DLK2: variants seen among roughly 807,000 people sequenced by gnomAD.
DLK2 encodes delta like non-canonical Notch ligand 2, also known as protein delta homolog 2.
Under a neutral mutation model 31.3 loss-of-function variants are expected in DLK2, and 9 were observed. The ratio of observed to expected loss-of-function variants is 0.29; its 90% CI spans 0.17 to 0.50. The LOEUF (loss-of-function observed/expected upper bound fraction) is 0.50. DLK2 is among the 20% of genes least tolerant of loss of function. The pLI, the probability that DLK2 is intolerant of heterozygous loss-of-function variation, is 0.98. For synonymous variants in DLK2, 169 were observed against 201.2 expected (o/e 0.84, Z 1.35); for missense variants, 387 against 526.1 (o/e 0.74, Z 2.59).
chr6:43,455,646 C>G (rs1194828952), upstream of DLK2: 1 of 141,960 alleles, frequency 7.0e-6, no homozygotes, highest in Non-Finnish European at 1.6e-5. Flanking sequence ...CCATCCCCCC[C>G]CCCGCGACGC....
Position 43,454,817 on chromosome 6 carries a change from G to T in DLK2, c.9C>A (p.Ser3Arg). 1 of 1,550,850 alleles carries T rather than the reference G, an allele frequency of 6.4e-7. No homozygotes were observed. ...ACACGAGATGCAGGCAGCGGCAGCC[G>T]CTGGGCATGGTCAGCGCCGGCCCCA... MP[S>R]GCRCLHLVCL... Residue 3 changes from serine (S) to arginine (R), a missense_variant, in exon 2 of 6, where the codon AGC becomes AGA. Coordinates refer to ENST00000372488, the MANE Select transcript of DLK2 (RefSeq NM_023932.4).
chr6:43,452,817 C>G (rs1241109707), intron 4 of DLK2, among the ~76,000 whole-genome samples, 188 bp downstream of exon 4: 3 of 152,138 alleles, frequency 2.0e-5, no homozygotes, highest in African/African-American at 7.2e-5. Flanking sequence ...AGCTGTGTTT[C>G]CTGCCCCATG....
rs1244772928 is a variant in DLK2 at position 43,455,496 on chromosome 6, C to T, written c.-157G>A. On this transcript the variant is annotated 5_prime_UTR_variant, in exon 1 of 6. Transcript: ENST00000372488. ...GAGCGCGGGGCCGCCCCTAGCTGGC[C>T]GCGGGGCCGGGCGCCGAAGCGGCTG... 6.6e-6 allele frequency: 1 copy of T among 150,478 alleles called. No individual in the cohort carries two copies. Among genetic ancestry groups the T allele is most frequent in the East Asian group, 2.0e-4 (1 of 5,112 alleles). The allele number at this position is 150,478 out of a possible 1,614,324, so 9.3% of individuals were successfully genotyped here.
At chr6:43,452,168 G>A in intron 4 of DLK2, 84 bp from the exon 5 acceptor site, 1 of 1,572,418 alleles carries the variant, frequency 6.4e-7, no homozygotes, top group Admixed American at 1.8e-5. Context: ...CCAGGCCCCA[G>A]GTTCTGTAGG....
At position 43,451,113 on chromosome 6, in the gene DLK2, A is replaced by G. The variant is rs374035083; in HGVS notation, c.578T>C (p.Ile193Thr). ...AGGACAGAGGCAGGAGAAGCGGTTT[A>G]TGCCGTCAAGGCAGGTGGCACCGTT... is the stretch of plus-strand genomic sequence containing the variant. ...CANGATCLDG[I>T]NRFSCLCPEG... Residue 193 changes from isoleucine (I) to threonine (T), a missense_variant, in exon 6 of 6, where the codon ATA becomes ACA. Physicochemically the swap from Ile to Thr is moderately conservative, Grantham distance 89. Coordinates refer to ENST00000372488, the MANE Select transcript of DLK2 (RefSeq NM_023932.4). This position sits in a 1 kb window ranked among gnomAD's most constrained non-coding sequence, Gnocchi z 4.4. 1.8e-5 allele frequency: 29 copies of G among 1,614,098 alleles called. No homozygotes were observed. The highest frequency in any genetic ancestry group is 2.4e-5 in the Non-Finnish European group (28 of 1,180,038).
In DLK2 at chr6:43,454,443, G is replaced by T; in HGVS notation, c.108C>A (p.Ala36=). Residue 36 remains alanine, a synonymous_variant, in exon 3 of 6, where the codon GCC becomes GCA. Coordinates refer to ENST00000372488, the MANE Select transcript of DLK2 (RefSeq NM_023932.4). ...ADDCSSHCDL[A]HGCCAPDGSC... is the part of the protein sequence containing the mutation. ...AGCCGTCAGGTGCACAGCAGCCGTG[G>T]GCCAGGTCACAGTGGGAGCTGCAGT... 1 of 1,602,418 alleles carries T rather than the reference G, an allele frequency of 6.2e-7. No homozygotes were observed. The highest frequency in any genetic ancestry group is 1.1e-5 in the South Asian group (1 of 88,002).
At position 43,451,852 on chromosome 6, in the gene DLK2, C is replaced by A; in HGVS notation, c.416+88G>T. On this transcript the variant is annotated intron_variant, in intron 5 of 5. Transcript: ENST00000372488. This position sits in a 1 kb window ranked among gnomAD's most constrained non-coding sequence, Gnocchi z 4.4. Reference sequence around the variant, plus strand: ...CCGTGTGGGTCTGACTCTCAGTCCCCCACCCTCCCAACAGTCCTGCCTCTT... The same window carrying A: ...CCGTGTGGGTCTGACTCTCAGTCCCACACCCTCCCAACAGTCCTGCCTCTT... The A allele has an allele frequency of 6.5e-7, 1 of 1,535,906 alleles. No individual in the cohort carries two copies. Among genetic ancestry groups the A allele is most frequent in the South Asian group, 1.3e-5 (1 of 79,088 alleles).
chr6:43,450,438 T>A lies in DLK2; in HGVS notation c.*101A>T. On this transcript the variant is annotated 3_prime_UTR_variant, in exon 6 of 6. Coordinates refer to ENST00000372488, the MANE Select transcript of DLK2 (RefSeq NM_023932.4). The surrounding 1 kb of genome is among the most constrained non-coding windows in gnomAD (Gnocchi z 4.5). The stretch of plus-strand genomic sequence containing the variant: ...ATATTTCTGGTGTGAGGCTGAGGTC[T>A]CCTCTGTGTGTGTACCCAAGCTGAA... 1 of 1,325,556 alleles carries A rather than the reference T, an allele frequency of 7.5e-7. No individual in the cohort carries two copies. Among genetic ancestry groups the A allele is most frequent in the Non-Finnish European group, 1.0e-6 (1 of 982,080 alleles). 82.1% of individuals were successfully genotyped at this position (1,325,556 alleles called of 1,614,324 possible).
rs1783874014 is a variant in DLK2, at chr6:43,453,891, G to A, written c.140+520C>T. Among the ~76,000 whole-genome samples, 1 of 152,066 alleles carries A rather than the reference G, an allele frequency of 6.6e-6. No homozygotes were observed. The highest frequency in any genetic ancestry group is 6.6e-5 in the Admixed American group (1 of 15,254). On this transcript the variant is annotated intron_variant, in intron 3 of 5. Coordinates refer to ENST00000372488, the MANE Select transcript of DLK2 (RefSeq NM_023932.4). This position sits in a 1 kb window ranked among gnomAD's most constrained non-coding sequence, Gnocchi z 4.1. ...ACCCATATTTTAAAAGCCCTCCAGG[G>A]GTGAAGAGTCTCAAAGACCCCCAGC...
chr6:43,450,731 C>G lies in DLK2; in HGVS notation c.960G>C (p.Leu320=), dbSNP rs1029655484. The G allele has an allele frequency of 8.7e-6, 14 of 1,614,060 alleles. No individual in the cohort carries two copies. In the African/African-American group the frequency reaches 1.6e-4, roughly 18 times the overall value. The change falls in exon 6 of 6, where the codon CTG becomes CTC. Residue 320 remains leucine (L), a synonymous_variant. Transcript: ENST00000372488. This position sits in a 1 kb window ranked among gnomAD's most constrained non-coding sequence, Gnocchi z 4.5. ...LVVFGALTAA[L]VLATVLLTLR... ...GGGTCAGCAACACAGTAGCCAGAAC[C>G]AGGGCAGCAGTGAGGGCCCCAAACA...
chr6:43,452,857 A>G (rs1783825309), intron 4 of DLK2, 148 bp downstream of exon 4: 1 of 1,203,274 alleles, frequency 8.3e-7, no homozygotes, highest in Non-Finnish European at 1.2e-6. Flanking sequence ...TTCAGACAAC[A>G]TATAAAAAGT....
Position 43,451,236 on chromosome 6 carries a change from T to G in DLK2, c.455A>C (p.Gln152Pro). Residue 152 changes from glutamine (Q) to proline (P), a missense_variant, in exon 6 of 6, where the codon CAG (glutamine) becomes CCG (proline). Coordinates refer to ENST00000372488, the MANE Select transcript of DLK2 (RefSeq NM_023932.4). This position sits in a 1 kb window ranked among gnomAD's most constrained non-coding sequence, Gnocchi z 4.4. ...GCACGTGAAGTTGAGAGCAAAGCCC[T>G]GGTCGTCCTGGCACTGCCCGCCATT... ...CRNGGQCQDDQGFALNFTCRC... is the reference protein window; with the variant it reads ...CRNGGQCQDDPGFALNFTCRC... 6.2e-7 allele frequency: 1 copy of G among 1,614,130 alleles called. No individual in the cohort carries two copies. The highest frequency in any genetic ancestry group is 8.5e-7 in the Non-Finnish European group (1 of 1,180,020).
At position 43,452,030 on chromosome 6, in the gene DLK2, T is replaced by C; in HGVS notation, c.326A>G (p.Tyr109Cys). Reference protein sequence around the residue: ...SPCQNGGQCMYDGGGEYHCVC... With the variant: ...SPCQNGGQCMCDGGGEYHCVC... ...ACAATGGTACTCACCGCCCCCGTCA[T>C]ACATGCACTGGCCTCCATTCTGGCA... is the stretch of plus-strand genomic sequence containing the variant. Residue 109 changes from tyrosine to cysteine, a missense_variant, in exon 5 of 6, where the codon TAT (tyrosine) becomes TGT (cysteine). Coordinates refer to ENST00000372488, the MANE Select transcript of DLK2 (RefSeq NM_023932.4). The C allele has an allele frequency of 1.9e-6, 3 of 1,614,224 alleles. No homozygotes were observed. The highest frequency in any genetic ancestry group is 2.5e-6 in the Non-Finnish European group (3 of 1,180,034).
In DLK2 at chr6:43,450,620, C is replaced by T. The variant is rs367782626; in HGVS notation, c.1071G>A (p.Glu357=). 6 of 1,611,274 alleles carry T rather than the reference C, an allele frequency of 3.7e-6. No individual in the cohort carries two copies. The African/African-American group carries it at 8.0e-5, about 22-fold the overall frequency. The change falls in exon 6 of 6, where the codon GAG becomes GAA. Residue 357 remains glutamate, a synonymous_variant. Transcript: ENST00000372488. This position sits in a 1 kb window ranked among gnomAD's most constrained non-coding sequence, Gnocchi z 4.5. ...CTGCTGGCAGCATGCTAACCTGACACTCCTGGTCCTGGCACGCTGGAGCAT... is the reference window on the plus strand; with the variant it reads ...CTGCTGGCAGCATGCTAACCTGACATTCCTGGTCCTGGCACGCTGGAGCAT... ...PHYAPACQDQ[E]CQVSMLPAGL...
chr6:43,453,227 A>G lies in DLK2; in HGVS notation c.141-92T>C. The G allele has an allele frequency of 1.4e-6, 2 of 1,462,274 alleles. No individual in the cohort carries two copies. The highest frequency in any genetic ancestry group is 1.8e-6 in the Non-Finnish European group (2 of 1,101,500). 90.6% of individuals were successfully genotyped at this position (1,462,274 alleles called of 1,614,324 possible). On this transcript the variant is annotated intron_variant, in intron 3 of 5. Coordinates refer to ENST00000372488, the MANE Select transcript of DLK2 (RefSeq NM_023932.4). The surrounding 1 kb of genome is among the most constrained non-coding windows in gnomAD (Gnocchi z 4.1). Reference sequence around the variant, plus strand: ...CAGAGCTTCTAGAAACCAAGAGGACATATGACAGCCCCTAAGGGAAAGCAG... The same window carrying G: ...CAGAGCTTCTAGAAACCAAGAGGACGTATGACAGCCCCTAAGGGAAAGCAG...
At position 43,451,895 on chromosome 6, in the gene DLK2, G is replaced by C. The variant is rs1385119339; in HGVS notation, c.416+45C>G. ...TGCCTCTTTTCTCATCCCATCACCA[G>C]GTTCTGGTCTAACCTTCCACTCACC... On this transcript the variant is annotated intron_variant, in intron 5 of 5. Coordinates refer to ENST00000372488, the MANE Select transcript of DLK2 (RefSeq NM_023932.4). This position sits in a 1 kb window ranked among gnomAD's most constrained non-coding sequence, Gnocchi z 4.4. The C allele has an allele frequency of 6.2e-7, 1 of 1,609,856 alleles. No individual in the cohort carries two copies. Among genetic ancestry groups the C allele is most frequent in the Non-Finnish European group, 8.5e-7 (1 of 1,178,340 alleles).
Position 43,450,465 on chromosome 6 carries a change from G to A in DLK2, c.*74C>T. On this transcript the variant is annotated 3_prime_UTR_variant, in exon 6 of 6. Coordinates refer to ENST00000372488, the MANE Select transcript of DLK2 (RefSeq NM_023932.4). The surrounding 1 kb of genome is among the most constrained non-coding windows in gnomAD (Gnocchi z 4.5). Reference sequence around the variant, plus strand: ...CTCTGTGTGTGTACCCAAGCTGAAGGGTGGTGAGAACGGACCACTCCAGTC... The same window carrying A: ...CTCTGTGTGTGTACCCAAGCTGAAGAGTGGTGAGAACGGACCACTCCAGTC... 2.0e-6 allele frequency: 3 copies of A among 1,481,048 alleles called. No individual in the cohort carries two copies. The highest frequency in any genetic ancestry group is 2.7e-6 in the Non-Finnish European group (3 of 1,109,026). 91.7% of individuals were successfully genotyped at this position (1,481,048 alleles called of 1,614,324 possible). A position where few individuals can be genotyped will look rare whatever the true frequency, so the allele number is the denominator to read the frequency against.
chr6:43,453,267 G>C lies in DLK2; in HGVS notation c.141-132C>G. 8.2e-7 allele frequency: 1 copy of C among 1,217,660 alleles called. No homozygotes were observed. Among genetic ancestry groups the C allele is most frequent in the African/African-American group, 1.5e-5 (1 of 65,500 alleles). 75.4% of individuals were successfully genotyped at this position (1,217,660 alleles called of 1,614,324 possible). A position where few individuals can be genotyped will look rare whatever the true frequency, so the allele number is the denominator to read the frequency against. ...AGGGAAAGCAGACCTGTCCCAGGTAGGTGTAGGACTGTGCAGGGTCATAGG... is the reference window on the plus strand; with the variant it reads ...AGGGAAAGCAGACCTGTCCCAGGTACGTGTAGGACTGTGCAGGGTCATAGG... On this transcript the variant is annotated intron_variant, in intron 3 of 5. Coordinates refer to ENST00000372488, the MANE Select transcript of DLK2 (RefSeq NM_023932.4). The surrounding 1 kb of genome is among the most constrained non-coding windows in gnomAD (Gnocchi z 4.1).
intron 4 of DLK2, 69 bp from the exon 5 acceptor site, chr6:43,452,153 G>C (rs1165624464): frequency 6.3e-7 from 1 of 1,593,064 alleles, no homozygotes; most frequent in Admixed American, 1.7e-5. Context: ...ACTTGTCCAC[G>C]CCTTCCAGGC....
Sources: gnomAD v4.1 joint callset for allele counts (sites outside exome capture counted in the v4.1 genomes callset) on GRCh38, gnomAD v4.1.1 for gene constraint, Gnocchi (gnomAD v3.1) non-coding constraint, MANE v1.5 for transcripts, NCBI Gene and HGNC (gene_info 2026-07-23, HGNC 2026-07-21) for gene names.